TG: variants seen among roughly 807,000 people sequenced by gnomAD.
The protein encoded by TG is thyroid hormones.
Under a neutral mutation model 324.7 loss-of-function variants are expected in TG, and 270 were observed. The ratio of observed to expected loss-of-function variants is 0.83; its 90% CI spans 0.75 to 0.92. The LOEUF (loss-of-function observed/expected upper bound fraction) is 0.92. Ranked by LOEUF, TG falls within the 40% of genes least tolerant of loss-of-function variation. The probability of loss-of-function intolerance (pLI) is 0.00; values close to 1 mark genes in which losing one functional copy is unlikely to be tolerated. For synonymous variants in TG, 1,401 were observed against 1,327.0 expected (o/e 1.06, Z -1.21); for missense variants, 3,591 against 3,456.4 (o/e 1.04, Z -0.98).
chr8:132,872,698 G>T (rs534356783), intron 4 of TG, among the ~76,000 whole-genome samples: 79 of 152,152 alleles, frequency 5.2e-4, no homozygotes, highest in African/African-American at 1.9e-3. Context: ...CCCCATACAG[G>T]TGTACTATTC....
At chr8:133,132,338 G>A (rs904384155) in intron 46 of TG, among the ~76,000 whole-genome samples, 1 of 152,200 alleles carries the variant, frequency 6.6e-6, no homozygotes, top group Admixed American at 6.5e-5. Flanking sequence ...TGAGAACCAA[G>A]CATGTCGAAT....
At chr8:133,058,949 T>C (rs1587930749) in intron 41 of TG, 1 of 476,354 alleles carries the variant, frequency 2.1e-6, no homozygotes, top group Non-Finnish European at 4.2e-6. Flanking sequence ...CTTGGCATGC[T>C]GGCTTGGGGG....
intron 22 of TG, among the ~76,000 whole-genome samples, chr8:132,925,516 C>CATGTGT (rs1554670095): frequency 6.9e-6 from 1 of 144,732 alleles, no homozygotes; most frequent in Non-Finnish European, 1.5e-5. Context: ...CTAAGGAGTG[C>CATGTGT]GTGTGTGTGT....
Position 132,963,105 on chromosome 8 carries a change from G to A in TG, c.5548+31G>A, listed in dbSNP as rs772821106. 41 of 1,607,418 alleles carry A rather than the reference G, an allele frequency of 2.6e-5. No individual in the cohort carries two copies. The East Asian group carries it at 4.0e-4, about 16-fold the overall frequency. On this transcript the variant is annotated intron_variant, in intron 29 of 47. Transcript: ENST00000220616. Reference sequence around the variant, plus strand: ...GACCCCCAAACCTTCTTACACACTTGGGTGTCTGAATGCAGAGACTAAATG... The same window carrying A: ...GACCCCCAAACCTTCTTACACACTTAGGTGTCTGAATGCAGAGACTAAATG...
chr8:133,117,995 A>C (rs1850836352), intron 45 of TG, among the ~76,000 whole-genome samples: 1 of 152,234 alleles, frequency 6.6e-6, no homozygotes, highest in African/African-American at 2.4e-5. Flanking sequence ...TAAGTTGTCC[A>C]ACCCATAACA....
Position 132,911,441 on chromosome 8 carries a change from G to T in TG, c.4067G>T (p.Cys1356Phe), listed in dbSNP as rs1819511425. Residue 1356 changes from cysteine to phenylalanine, a missense_variant, in exon 19 of 48, where the codon TGT (cysteine) becomes TTT (phenylalanine). By Grantham distance (205) the Cys-to-Phe change is radical. Transcript: ENST00000220616. ...VCNNSSVQVG[C>F]LTRERLGVNV... ...AACAACTCCTCTGTGCAGGTGGGTT[G>T]TCTGACCAGGGAGCGTTTAGGAGTG... 1.2e-6 allele frequency: 2 copies of T among 1,614,098 alleles called. No homozygotes were observed. Among genetic ancestry groups the T allele is most frequent in the East Asian group, 4.5e-5 (2 of 44,904 alleles).
chr8:133,120,243 G>A (rs1257490687), intron 45 of TG, among the ~76,000 whole-genome samples: 6 of 152,148 alleles, frequency 3.9e-5, no homozygotes, highest in Non-Finnish European at 7.3e-5. Context: ...TGCACATACC[G>A]TTGGACCCCA....
Position 132,933,674 on chromosome 8 carries a change from C to G in TG, c.4930C>G (p.Gln1644Glu), listed in dbSNP as rs1240885663. ...SDNVACMTSD[Q>E]KRDALGNSKA... is the part of the protein sequence containing the mutation. ...CAATGTTGCCTGCATGACTTCTGAC[C>G]AGGTGAGGTGGGGCAGCCACGTGTG... The change falls in exon 24 of 48, where the codon CAG (glutamine) becomes GAG (glutamate). Residue 1644 changes from glutamine (Q) to glutamate (E), a missense_variant and splice_region_variant. Physicochemically the swap from Gln to Glu is conservative, Grantham distance 29. Coordinates refer to ENST00000220616, the MANE Select transcript of TG (RefSeq NM_003235.5). 4.3e-6 allele frequency: 7 copies of G among 1,613,940 alleles called. No homozygotes were observed. In the African/African-American group the frequency reaches 8.0e-5, roughly 18 times the overall value.
At chr8:133,114,960 G>A (rs189405504) in intron 44 of TG, among the ~76,000 whole-genome samples, 2 of 152,234 alleles carry the variant, frequency 1.3e-5, no homozygotes, top group East Asian at 3.9e-4. Flanking sequence ...CTCTAGTGGA[G>A]ATCTCCACTT....
intron 2 of TG, 47 bp from the exon 3 acceptor site, chr8:132,869,682 C>T (rs202084301): frequency 2.6e-6 from 4 of 1,540,220 alleles, no homozygotes; most frequent in Non-Finnish European, 2.7e-6. Context: ...CGGCATGTGG[C>T]TTTGGGGGCC....
intron 10 of TG, 125 bp from the exon 11 acceptor site, chr8:132,893,565 G>C: frequency 7.5e-7 from 1 of 1,327,138 alleles, no homozygotes; most frequent in Non-Finnish European, 1.1e-6. Context: ...GTGTATGTGT[G>C]TGGTGTGTGT....
intron 35 of TG, among the ~76,000 whole-genome samples, chr8:132,984,357 G>C (rs1831265564): frequency 1.3e-5 from 2 of 152,322 alleles, no homozygotes; most frequent in East Asian, 3.9e-4. Context: ...AGTTAAAATA[G>C]CAAACTTTGG....
chr8:133,031,466 G>C (rs1366232104), intron 41 of TG, among the ~76,000 whole-genome samples: 1 of 152,164 alleles, frequency 6.6e-6, no homozygotes, highest in East Asian at 1.9e-4. Context: ...AACGTGCTTA[G>C]AGCTGCCCTT....
chr8:132,976,232 G>C (rs1587652690), intron 34 of TG, among the ~76,000 whole-genome samples: 1 of 152,168 alleles, frequency 6.6e-6, no homozygotes, highest in South Asian at 2.1e-4. Flanking sequence ...AAATGTATTG[G>C]CTCTCAGTTC....
In TG at chr8:133,096,354, A is replaced by G; in HGVS notation, c.7553A>G (p.Asn2518Ser). 1.2e-6 allele frequency: 2 copies of G among 1,614,192 alleles called. No individual in the cohort carries two copies. The highest frequency in any genetic ancestry group is 1.7e-6 in the Non-Finnish European group (2 of 1,180,032). Reference protein sequence around the residue: ...IGSSQDDGLINRAKAVKQFEE... With the variant: ...IGSSQDDGLISRAKAVKQFEE... ...AGTTCTCAGGACGACGGGCTCATCAACAGAGCAAAGGCTGTGAAGGTAAGC... is the reference window on the plus strand; with the variant it reads ...AGTTCTCAGGACGACGGGCTCATCAGCAGAGCAAAGGCTGTGAAGGTAAGC... The change falls in exon 43 of 48, where the codon AAC becomes AGC. Residue 2518 changes from asparagine to serine, a missense_variant. By Grantham distance (46) the Asn-to-Ser change is conservative. Coordinates refer to ENST00000220616, the MANE Select transcript of TG (RefSeq NM_003235.5).
intron 30 of TG, among the ~76,000 whole-genome samples, chr8:132,967,110 G>C (rs904841723): frequency 1.2e-4 from 15 of 129,204 alleles, no homozygotes; most frequent in Admixed American, 2.3e-4. Flanking sequence ...CCATCCATTC[G>C]ATCCATCCAT....
At chr8:132,951,537 G>A (rs931039858) in intron 27 of TG, among the ~76,000 whole-genome samples, 2 of 152,208 alleles carry the variant, frequency 1.3e-5, no homozygotes, top group East Asian at 3.9e-4. Context: ...CCCAAGAAAT[G>A]AGGACTGTGC....
intron 38 of TG, among the ~76,000 whole-genome samples, chr8:133,018,265 C>G (rs1369475070): frequency 6.6e-6 from 1 of 152,202 alleles, no homozygotes; most frequent in African/African-American, 2.4e-5. Flanking sequence ...GGGACGCAGG[C>G]TGATGGAGGC....
At chr8:132,936,377 G>A (rs1006458489) in intron 25 of TG, among the ~76,000 whole-genome samples, 2 of 152,178 alleles carry the variant, frequency 1.3e-5, no homozygotes, top group African/African-American at 2.4e-5. Context: ...CTCCCAGGAC[G>A]TTTTCCTCCC....
Sources: allele counts gnomAD v4.1 joint callset (sites outside exome capture counted in the v4.1 genomes callset), GRCh38; gene constraint gnomAD v4.1.1; transcripts MANE v1.5; gene names NCBI Gene and HGNC (gene_info 2026-07-23, HGNC 2026-07-21).